Variants in PARD3 observed in about 807,000 individuals in gnomAD.
PARD3 encodes the protein partitioning defective 3 homolog.
In PARD3, 75 loss-of-function variants were observed where a neutral mutation model predicts 155.4. That is an observed-to-expected ratio of 0.48 (90% CI 0.40 to 0.58). The LOEUF (loss-of-function observed/expected upper bound fraction) is 0.58, where lower values mean the gene tolerates loss of function less well. PARD3 is among the 20% of genes least tolerant of loss of function. The probability of loss-of-function intolerance (pLI) is 0.00; values close to 1 mark genes in which losing one functional copy is unlikely to be tolerated. For missense variants in PARD3, 1,642 were observed against 1,721.7 expected, an observed-to-expected ratio of 0.95 and a Z score of 0.82; for synonymous variants, 576 against 610.5, an observed-to-expected ratio of 0.94 and a Z score of 0.83.
intron 4 of PARD3, among the ~76,000 whole-genome samples, chr10:34,465,091 A>G (rs1420700394): frequency 6.6e-6 from 1 of 152,238 alleles, no homozygotes; most frequent in Non-Finnish European, 1.5e-5. Context: ...TTGTGTAAAT[A>G]GTTGTTATTC....
chr10:34,483,661 G>A lies in PARD3; in HGVS notation c.404-13398C>T, dbSNP rs140697333. On this transcript the variant is annotated intron_variant, in intron 3 of 24. Transcript: ENST00000374788. ...TGTAAGACCCACAAGGGGATAGAACGTATCTTTCTTCCTCACTGTCTCACC... is the reference window on the plus strand; with the variant it reads ...TGTAAGACCCACAAGGGGATAGAACATATCTTTCTTCCTCACTGTCTCACC... Among the ~76,000 whole-genome samples, 104 of 152,206 alleles carry A rather than the reference G, an allele frequency of 6.8e-4. 1 individual carries two copies. In the South Asian group the frequency reaches 7.9e-3, roughly 12 times the overall value.
At chr10:34,374,144 T>A (rs1438192914) in intron 11 of PARD3, among the ~76,000 whole-genome samples, 1 of 152,184 alleles carries the variant, frequency 6.6e-6, no homozygotes, top group Non-Finnish European at 1.5e-5. Context: ...TTATGTCATT[T>A]TTATATATAA....
intron 2 of PARD3, among the ~76,000 whole-genome samples, chr10:34,688,170 G>A (rs544914533): frequency 2.0e-5 from 3 of 152,140 alleles, no homozygotes; most frequent in South Asian, 2.1e-4. Flanking sequence ...CTTTGTTTAC[G>A]CCCCTTACAA....
chr10:34,513,996 A>C (rs2081557827), intron 3 of PARD3, among the ~76,000 whole-genome samples: 1 of 151,962 alleles, frequency 6.6e-6, no homozygotes, highest in South Asian at 2.1e-4. Context: ...TATTTTCTAC[A>C]AAAAAAAGCT....
intron 24 of PARD3, among the ~76,000 whole-genome samples, chr10:34,116,310 C>T (rs922958545): frequency 2.0e-5 from 3 of 152,244 alleles, no homozygotes; most frequent in African/African-American, 7.2e-5. Context: ...TTTTACGCTC[C>T]ACTTTGTAAC....
At chr10:34,673,241 G>A (rs749347215) in intron 2 of PARD3, among the ~76,000 whole-genome samples, 5 of 152,140 alleles carry the variant, frequency 3.3e-5, no homozygotes, top group South Asian at 4.1e-4. Context: ...TCTCTATCTA[G>A]GGAGAGCATG....
intron 3 of PARD3, 71 bp from the exon 4 acceptor site, chr10:34,470,334 A>G: frequency 8.7e-7 from 1 of 1,145,216 alleles, no homozygotes; most frequent in Non-Finnish European, 1.2e-6. Context: ...AGGAGAACGT[A>G]GGGAAATCCT....
intron 2 of PARD3, among the ~76,000 whole-genome samples, chr10:34,667,263 G>A (rs1022074500): frequency 2.6e-5 from 4 of 152,166 alleles, no homozygotes. Context: ...AGCAAATCTA[G>A]ATAGCTAGTA....
intron 1 of PARD3, among the ~76,000 whole-genome samples, chr10:34,728,744 CA>C (rs556391438): frequency 9.9e-5 from 15 of 152,252 alleles, no homozygotes; most frequent in Admixed American, 4.6e-4. Context: ...ATGTAGCAGT[CA>C]AAAAGTCCAA....
chr10:34,218,863 G>A (rs1952142446), intron 22 of PARD3, among the ~76,000 whole-genome samples: 1 of 152,042 alleles, frequency 6.6e-6, no homozygotes, highest in Non-Finnish European at 1.5e-5. Flanking sequence ...AAACCTAACT[G>A]TTCTATAATC....
intron 22 of PARD3, among the ~76,000 whole-genome samples, chr10:34,187,308 C>T (rs1950531721): frequency 6.6e-6 from 1 of 152,162 alleles, no homozygotes; most frequent in Non-Finnish European, 1.5e-5. Flanking sequence ...CATGACAATG[C>T]AGGGAACTGT....
intron 1 of PARD3, among the ~76,000 whole-genome samples, chr10:34,782,237 G>A (rs765171476): frequency 6.6e-6 from 1 of 152,216 alleles, no homozygotes; most frequent in Non-Finnish European, 1.5e-5. Context: ...TTGCAGTCAA[G>A]CAGTGTGTAT....
chr10:34,232,084 CT>C (rs1385458425), intron 22 of PARD3, among the ~76,000 whole-genome samples: 2 of 152,086 alleles, frequency 1.3e-5, no homozygotes, highest in Non-Finnish European at 2.9e-5. Flanking sequence ...TAAGCAAATA[CT>C]TCACTTTCCC....
At chr10:34,114,638 C>T (rs1946567500) in intron 24 of PARD3, among the ~76,000 whole-genome samples, 1 of 152,208 alleles carries the variant, frequency 6.6e-6, no homozygotes, top group African/African-American at 2.4e-5. Context: ...AGCCACTCTG[C>T]TCGGCCAAAA....
At chr10:34,496,620 G>A (rs2080308293) in intron 3 of PARD3, among the ~76,000 whole-genome samples, 2 of 152,216 alleles carry the variant, frequency 1.3e-5, no homozygotes, top group South Asian at 2.1e-4. Context: ...TGGATTCAGC[G>A]AAGTCAAGAC....
chr10:34,721,266 A>C (rs1424404674), intron 1 of PARD3, among the ~76,000 whole-genome samples: 1 of 152,258 alleles, frequency 6.6e-6, no homozygotes, highest in Non-Finnish European at 1.5e-5. Flanking sequence ...CTGCATTCTA[A>C]AATTAACAGA....
chr10:34,402,476 G>C (rs1029369309), intron 5 of PARD3, among the ~76,000 whole-genome samples: 2 of 152,084 alleles, frequency 1.3e-5, no homozygotes, highest in East Asian at 3.9e-4. Flanking sequence ...GCTTCATCCC[G>C]TAAAATTTCA....
intron 22 of PARD3, among the ~76,000 whole-genome samples, chr10:34,137,946 C>T (rs1947989755): frequency 6.6e-6 from 1 of 152,218 alleles, no homozygotes; most frequent in Non-Finnish European, 1.5e-5. Flanking sequence ...CCAATACTAC[C>T]ACCCCATCAC....
In PARD3 at chr10:34,284,331, T is replaced by C. The variant is rs544726045; in HGVS notation, c.3066-86A>G. 3.0e-5 allele frequency: 22 copies of C among 743,082 alleles called. No individual in the cohort carries two copies. The South Asian group carries it at 3.3e-4, about 11-fold the overall frequency. 46.0% of individuals were successfully genotyped at this position (743,082 alleles called of 1,614,324 possible). A position where few individuals can be genotyped will look rare whatever the true frequency, so the allele number is the denominator to read the frequency against. On this transcript the variant is annotated intron_variant, in intron 20 of 24. Coordinates refer to ENST00000374788, the MANE Select transcript of PARD3 (RefSeq NM_001184785.2). ...TGGTAATGACATATACCCAATGAAA[T>C]GAATGTTAGCTTCTTCAAAACAGGG...
Sources: allele counts gnomAD v4.1 joint callset (sites outside exome capture counted in the v4.1 genomes callset), GRCh38; gene constraint gnomAD v4.1.1; transcripts MANE v1.5; gene names NCBI Gene and HGNC (gene_info 2026-07-23, HGNC 2026-07-21).